The following TMEM132D variants were observed in gnomAD, a reference collection of about 807,000 sequenced individuals.
The protein encoded by TMEM132D is transmembrane protein 132D, also known as mature OL transmembrane protein.
In TMEM132D, 21 loss-of-function variants were observed where a neutral mutation model predicts 62.3. That is an observed-to-expected ratio of 0.34 (90% confidence interval 0.24 to 0.49). The LOEUF (loss-of-function observed/expected upper bound fraction) is 0.49, where lower values mean the gene tolerates loss of function less well. Ranked by LOEUF, TMEM132D falls within the 20% of genes least tolerant of loss-of-function variation. The pLI, the probability that TMEM132D is intolerant of heterozygous loss-of-function variation, is 0.99. For missense variants in TMEM132D, 1,346 were observed against 1,402.8 expected (o/e 0.96, Z 0.65); for synonymous variants, 621 against 575.6 (o/e 1.08, Z -1.13).
chr12:129,752,296 T>C (rs1870025130), intron 1 of TMEM132D, among the ~76,000 whole-genome samples: 1 of 152,136 alleles, frequency 6.6e-6, no homozygotes, highest in Non-Finnish European at 1.5e-5. Flanking sequence ...ACTGAAAACA[T>C]ACAAATGTAA....
intron 4 of TMEM132D, among the ~76,000 whole-genome samples, chr12:129,281,428 T>TAAAA (rs1029990041): frequency 1.5e-4 from 23 of 149,880 alleles, no homozygotes; most frequent in East Asian, 1.4e-3. Context: ...CTTTTTTTTT[T>TAAAA]AAAAAAAAAA....
intron 3 of TMEM132D, among the ~76,000 whole-genome samples, chr12:129,497,177 G>A (rs1593038166): frequency 6.6e-6 from 1 of 152,212 alleles, no homozygotes; most frequent in East Asian, 1.9e-4. Flanking sequence ...GCGTGGTGGT[G>A]GGCTCCTATA....
At chr12:129,264,429 C>T (rs931417018) in intron 4 of TMEM132D, among the ~76,000 whole-genome samples, 14 of 152,018 alleles carry the variant, frequency 9.2e-5, no homozygotes, top group African/African-American at 1.7e-4. Context: ...TACATTTTGG[C>T]GTGGATGCTG....
chr12:129,898,664 T>C (rs934070714), intron 1 of TMEM132D, among the ~76,000 whole-genome samples: 2 of 152,196 alleles, frequency 1.3e-5, no homozygotes, highest in Non-Finnish European at 2.9e-5. Context: ...ACTCGCCCCA[T>C]CCTCCAGAGC....
At chr12:129,447,301 T>C (rs1043067555) in intron 3 of TMEM132D, among the ~76,000 whole-genome samples, 19 of 152,240 alleles carry the variant, frequency 1.2e-4, no homozygotes, top group African/African-American at 4.3e-4. Flanking sequence ...GACACTATTA[T>C]GCAAACGTAA....
intron 8 of TMEM132D, among the ~76,000 whole-genome samples, chr12:129,078,329 AT>A (rs1003457237): frequency 2.6e-5 from 4 of 152,094 alleles, no homozygotes; most frequent in African/African-American, 7.2e-5. Flanking sequence ...ATATGTATTT[AT>A]TTTTTTCATC....
At chr12:129,240,632 A>G (rs943986046) in intron 4 of TMEM132D, among the ~76,000 whole-genome samples, 2 of 152,226 alleles carry the variant, frequency 1.3e-5, no homozygotes, top group Admixed American at 6.5e-5. Flanking sequence ...TTTGAATGTT[A>G]AATTCACTTG....
At position 129,169,089 on chromosome 12, in the gene TMEM132D, A is replaced by G. The variant is rs144008869; in HGVS notation, c.1443+40431T>C. On this transcript the variant is annotated intron_variant, in intron 5 of 8. Coordinates refer to ENST00000422113, the MANE Select transcript of TMEM132D (RefSeq NM_133448.3). ...TTCGTAAAGCCGTCTTTAAACTTCAACCCACAACCAAACCATCCAAAGAGC... is the reference window on the plus strand; with the variant it reads ...TTCGTAAAGCCGTCTTTAAACTTCAGCCCACAACCAAACCATCCAAAGAGC... 4.1e-3 allele frequency among the ~76,000 whole-genome samples: 622 copies of G among 152,250 alleles called. 4 individuals carry two copies. The highest frequency in any genetic ancestry group is 0.014 in the African/African-American group (577 of 41,540).
At chr12:129,450,989 C>T (rs933328363) in intron 3 of TMEM132D, among the ~76,000 whole-genome samples, 4 of 151,964 alleles carry the variant, frequency 2.6e-5, no homozygotes, top group African/African-American at 9.7e-5. Flanking sequence ...GTCTAGAACT[C>T]CTGACCTCGT....
intron 4 of TMEM132D, among the ~76,000 whole-genome samples, chr12:129,281,348 G>A (rs1305633012): frequency 6.6e-6 from 1 of 151,512 alleles, no homozygotes; most frequent in Non-Finnish European, 1.5e-5. Context: ...ACACACAACT[G>A]TGGCACTTCT....
Position 129,284,685 on chromosome 12 carries a change from G to A in TMEM132D, c.1299+52949C>T, listed in dbSNP as rs187396748. Among the ~76,000 whole-genome samples the A allele has an allele frequency of 2.6e-4, 40 of 152,270 alleles. 1 individual carries two copies. Among genetic ancestry groups the A allele is most frequent in the African/African-American group, 8.7e-4 (36 of 41,544 alleles). On this transcript the variant is annotated intron_variant, in intron 4 of 8. Transcript: ENST00000422113. Reference sequence around the variant, plus strand: ...TCCAAATGCCCATTGGCGGATGCATGGATTAACAAAATATAGCATATAAAT... The same window carrying A: ...TCCAAATGCCCATTGGCGGATGCATAGATTAACAAAATATAGCATATAAAT...
At chr12:129,746,519 C>A (rs1468509794) in intron 1 of TMEM132D, among the ~76,000 whole-genome samples, 1 of 152,010 alleles carries the variant, frequency 6.6e-6, no homozygotes, top group African/African-American at 2.4e-5. Context: ...CATTGTCAGG[C>A]GTGGGGGTGG....
At chr12:129,773,456 G>T (rs963291165) in intron 1 of TMEM132D, among the ~76,000 whole-genome samples, 3 of 152,152 alleles carry the variant, frequency 2.0e-5, no homozygotes, top group Admixed American at 1.3e-4. Flanking sequence ...GACACTGGAG[G>T]TGAGGGCTGG....
At chr12:129,680,269 G>T (rs1411653684) in intron 2 of TMEM132D, among the ~76,000 whole-genome samples, 1 of 152,160 alleles carries the variant, frequency 6.6e-6, no homozygotes, top group African/African-American at 2.4e-5. Flanking sequence ...CCCTGCTTTT[G>T]ATAGAGAAAT....
At chr12:129,487,601 T>C (rs117685706) in intron 3 of TMEM132D, among the ~76,000 whole-genome samples, 1 of 151,954 alleles carries the variant, frequency 6.6e-6, no homozygotes, top group East Asian at 1.9e-4. Flanking sequence ...TGAATCCCAA[T>C]GTGGTGATCT....
At chr12:129,187,778 C>T (rs1878259020) in intron 5 of TMEM132D, among the ~76,000 whole-genome samples, 2 of 152,210 alleles carry the variant, frequency 1.3e-5, no homozygotes, top group African/African-American at 2.4e-5. Flanking sequence ...CACACATTTC[C>T]ACAAAGAGAT....
At chr12:129,784,320 A>C (rs1190416674) in intron 1 of TMEM132D, among the ~76,000 whole-genome samples, 1 of 152,224 alleles carries the variant, frequency 6.6e-6, no homozygotes, top group African/African-American at 2.4e-5. Flanking sequence ...ACACAGAAAA[A>C]AGCAAAACAT....
At position 129,071,912 on chromosome 12, in the gene TMEM132D, T is replaced by G. The variant is rs1373127150; in HGVS notation, c.*1963A>C. On this transcript the variant is annotated 3_prime_UTR_variant, in exon 9 of 9. Coordinates refer to ENST00000422113, the MANE Select transcript of TMEM132D (RefSeq NM_133448.3). ...GGACGTTACTGAAAGCAAAGGATTCTCATTGAAAAGGGGTGACAGCTTAAT... is the reference window on the plus strand; with the variant it reads ...GGACGTTACTGAAAGCAAAGGATTCGCATTGAAAAGGGGTGACAGCTTAAT... 1 of 152,200 alleles carries G rather than the reference T, an allele frequency of 6.6e-6. No individual in the cohort carries two copies. The highest frequency in any genetic ancestry group is 2.1e-4 in the South Asian group (1 of 4,830). The allele number at this position is 152,200 out of a possible 1,614,324, so 9.4% of individuals were successfully genotyped here. A position where few individuals can be genotyped will look rare whatever the true frequency, so the allele number is the denominator to read the frequency against.
At chr12:129,450,121 T>C (rs1873228681) in intron 3 of TMEM132D, among the ~76,000 whole-genome samples, 2 of 152,344 alleles carry the variant, frequency 1.3e-5, no homozygotes, top group Non-Finnish European at 2.9e-5. Flanking sequence ...CTTTGTCAGA[T>C]GCACAGTTTG....
Sources: gnomAD v4.1 joint callset for allele counts (sites outside exome capture counted in the v4.1 genomes callset) on GRCh38, gnomAD v4.1.1 for gene constraint, MANE v1.5 for transcripts, NCBI Gene and HGNC (gene_info 2026-07-23, HGNC 2026-07-21) for gene names.